The following PRKCA variants were observed in gnomAD, a reference collection of about 807,000 sequenced individuals.
The protein encoded by PRKCA is protein kinase C alpha, also known as protein kinase C alpha type.
PRKCA carries 27 observed loss-of-function variants against 87.0 expected under a neutral mutation model. The ratio of observed to expected loss-of-function variants is 0.31; its 90% CI spans 0.23 to 0.43. The LOEUF (loss-of-function observed/expected upper bound fraction) is 0.43. PRKCA is among the 20% of genes least tolerant of loss of function. PRKCA has a pLI of 1.00. For missense variants in PRKCA, 518 were observed against 852.3 expected, an observed-to-expected ratio of 0.61 and a Z score of 4.88; for synonymous variants, 329 against 311.1, an observed-to-expected ratio of 1.06 and a Z score of -0.61.
chr17:66,805,569 A>G lies in PRKCA; in HGVS notation c.*1532A>G, dbSNP rs1403583620. On this transcript the variant is annotated 3_prime_UTR_variant, in exon 17 of 17. Coordinates refer to ENST00000413366, the MANE Select transcript of PRKCA (RefSeq NM_002737.3). ...ACGTGATAGATTAGGCTCTTACTAC[A>G]TATGTGTGTGTATATATATGTATTT... 1 of 152,256 alleles carries G rather than the reference A, an allele frequency of 6.6e-6. No homozygotes were observed. The highest frequency in any genetic ancestry group is 2.4e-5 in the African/African-American group (1 of 41,446). 9.4% of individuals were successfully genotyped at this position (152,256 alleles called of 1,614,324 possible). A position where few individuals can be genotyped will look rare whatever the true frequency, so the allele number is the denominator to read the frequency against.
intron 3 of PRKCA, among the ~76,000 whole-genome samples, chr17:66,581,854 G>GTTCCAT (rs1387115109): frequency 4.6e-5 from 7 of 152,082 alleles, no homozygotes; most frequent in Non-Finnish European, 8.8e-5. Flanking sequence ...TGGGCAACAT[G>GTTCCAT]GTTTAATAAA....
At chr17:66,684,047 G>A (rs1201545825) in intron 5 of PRKCA, among the ~76,000 whole-genome samples, 3 of 151,966 alleles carry the variant, frequency 2.0e-5, no homozygotes, top group Non-Finnish European at 4.4e-5. Context: ...CCCTAGCATT[G>A]CCTCTTAGCC....
chr17:66,740,461 G>A lies in PRKCA; in HGVS notation c.1323-1198G>A, dbSNP rs545866949. Among the ~76,000 whole-genome samples, 30 of 152,286 alleles carry A rather than the reference G, an allele frequency of 2.0e-4. No individual in the cohort carries two copies. The South Asian group carries it at 6.0e-3, about 30-fold the overall frequency. On this transcript the variant is annotated intron_variant, in intron 11 of 16. Transcript: ENST00000413366. Reference sequence around the variant, plus strand: ...AGCACCTGTTAATAGGATTCTGGCTGCTGTGCCATCTAAGAGACACATTGG... The same window carrying A: ...AGCACCTGTTAATAGGATTCTGGCTACTGTGCCATCTAAGAGACACATTGG...
chr17:66,307,516 G>A (rs1429518952), intron 2 of PRKCA, among the ~76,000 whole-genome samples: 1 of 152,132 alleles, frequency 6.6e-6, no homozygotes, highest in African/African-American at 2.4e-5. Flanking sequence ...GAAAATTTTT[G>A]TACTGAATCT....
intron 2 of PRKCA, among the ~76,000 whole-genome samples, chr17:66,461,752 A>G (rs971184515): frequency 1.3e-5 from 2 of 152,174 alleles, no homozygotes; most frequent in East Asian, 1.9e-4. Flanking sequence ...TTCTTGGCAT[A>G]GAGGCATTCT....
intron 2 of PRKCA, among the ~76,000 whole-genome samples, chr17:66,321,316 A>G (rs535348324): frequency 6.6e-6 from 1 of 152,152 alleles, no homozygotes; most frequent in South Asian, 2.1e-4. Flanking sequence ...GAGTCTTTGA[A>G]CCATATTCAG....
At chr17:66,511,053 G>A (rs1217957872) in intron 3 of PRKCA, among the ~76,000 whole-genome samples, 2 of 147,456 alleles carry the variant, frequency 1.4e-5, no homozygotes, top group African/African-American at 5.4e-5. Context: ...TTTACAATAG[G>A]TGAGGCATTT....
At chr17:66,429,205 G>A (rs1280939950) in intron 2 of PRKCA, among the ~76,000 whole-genome samples, 2 of 152,062 alleles carry the variant, frequency 1.3e-5, no homozygotes, top group Non-Finnish European at 2.9e-5. Flanking sequence ...AAATAAATGT[G>A]CTTTACTCCT....
intron 4 of PRKCA, among the ~76,000 whole-genome samples, chr17:66,642,659 TA>T (rs1475881675): frequency 6.6e-6 from 1 of 152,138 alleles, no homozygotes; most frequent in East Asian, 1.9e-4. Flanking sequence ...AAAAGAAACA[TA>T]AACGAGCATC....
chr17:66,409,369 T>G (rs1911638555), intron 2 of PRKCA, among the ~76,000 whole-genome samples: 1 of 152,200 alleles, frequency 6.6e-6, no homozygotes, highest in African/African-American at 2.4e-5. Context: ...CTCCTTGTCT[T>G]GGACTCCTGT....
At chr17:66,517,335 C>T (rs1216994678) in intron 3 of PRKCA, among the ~76,000 whole-genome samples, 1 of 152,136 alleles carries the variant, frequency 6.6e-6, no homozygotes, top group South Asian at 2.1e-4. Context: ...CCTGACTACT[C>T]CCTGTCCCCC....
At chr17:66,638,295 C>T (rs1971199411) in intron 3 of PRKCA, 1 of 152,020 alleles carries the variant, frequency 6.6e-6, no homozygotes, top group African/African-American at 2.4e-5. Context: ...AGCACAAATA[C>T]AAAACTTGGA....
chr17:66,426,205 T>C (rs1256260380), intron 2 of PRKCA, among the ~76,000 whole-genome samples: 1 of 152,064 alleles, frequency 6.6e-6, no homozygotes, highest in Non-Finnish European at 1.5e-5. Context: ...CGGGGAACGA[T>C]GATCAGACAG....
chr17:66,710,477 C>G (rs780968707), intron 8 of PRKCA, among the ~76,000 whole-genome samples: 3 of 152,132 alleles, frequency 2.0e-5, no homozygotes, highest in Non-Finnish European at 4.4e-5. Context: ...GGTAGTTCTT[C>G]CTCTGCTCTT....
chr17:66,578,625 A>G (rs1156730981), intron 3 of PRKCA, among the ~76,000 whole-genome samples: 4 of 152,118 alleles, frequency 2.6e-5, no homozygotes, highest in South Asian at 2.1e-4. Flanking sequence ...AAGTAAACCC[A>G]TCTCCCTGCC....
intron 9 of PRKCA, 127 bp from the exon 10 acceptor site, chr17:66,735,362 A>AT: frequency 1.0e-6 from 1 of 970,636 alleles, no homozygotes; most frequent in African/African-American, 1.6e-5. Flanking sequence ...AAAGTTTAAT[A>AT]TTTTTATGTT....
chr17:66,326,113 T>C (rs1905965868), intron 2 of PRKCA, among the ~76,000 whole-genome samples: 1 of 152,196 alleles, frequency 6.6e-6, no homozygotes, highest in African/African-American at 2.4e-5. Flanking sequence ...TCATTTAATC[T>C]TCACTAAATG....
At position 66,554,471 on chromosome 17, in the gene PRKCA, G is replaced by A. The variant is rs866122579; in HGVS notation, c.288+58188G>A. ...GGGCCTGTGTTTCAAACTTTGGGCT[G>A]GAAGAGAACATTCCCGTGACTACTC... On this transcript the variant is annotated intron_variant, in intron 3 of 16. Coordinates refer to ENST00000413366, the MANE Select transcript of PRKCA (RefSeq NM_002737.3). 4.7e-6 allele frequency: 4 copies of A among 855,084 alleles called. 1 individual carries two copies. The Middle Eastern group carries it at 9.2e-4, about 196-fold the overall frequency. 53.0% of individuals were successfully genotyped at this position (855,084 alleles called of 1,614,324 possible). A position where few individuals can be genotyped will look rare whatever the true frequency, so the allele number is the denominator to read the frequency against.
chr17:66,310,327 A>T (rs892060974), intron 2 of PRKCA, among the ~76,000 whole-genome samples: 7 of 152,188 alleles, frequency 4.6e-5, no homozygotes, highest in African/African-American at 1.7e-4. Context: ...AAGCTCTGTC[A>T]GTAACCATGA....
Sources: allele counts gnomAD v4.1 joint callset (sites outside exome capture counted in the v4.1 genomes callset), GRCh38; gene constraint gnomAD v4.1.1; transcripts MANE v1.5; gene names NCBI Gene and HGNC (gene_info 2026-07-23, HGNC 2026-07-21).